Variants in IQCH observed in about 807,000 individuals in gnomAD.
The protein encoded by IQCH is IQ domain-containing protein H.
A neutral mutation model predicts 117.0 loss-of-function variants in IQCH; 98 were observed. The observed-to-expected ratio is 0.84, with a 90% CI of 0.71 to 0.99. IQCH has a LOEUF of 0.99. IQCH is among the 50% of genes least tolerant of loss of function. IQCH has a pLI of 0.00. For synonymous variants in IQCH, 412 were observed against 448.2 expected (o/e 0.92, Z 1.02); for missense variants, 1,102 against 1,243.8 (o/e 0.89, Z 1.72).
At chr15:67,400,632 G>A (rs1971623684) in intron 14 of IQCH, among the ~76,000 whole-genome samples, 1 of 151,286 alleles carries the variant, frequency 6.6e-6, no homozygotes, top group South Asian at 2.1e-4. Flanking sequence ...CTACAGGCAT[G>A]CGCCACCATG....
At chr15:67,421,064 A>T (rs973965950) in intron 15 of IQCH, 1 of 556,378 alleles carries the variant, frequency 1.8e-6, no homozygotes, top group Non-Finnish European at 3.2e-6. Context: ...GCCCTACAAT[A>T]TACCAAGCGC....
intron 4 of IQCH, among the ~76,000 whole-genome samples, chr15:67,304,176 A>G (rs1955020417): frequency 6.6e-6 from 1 of 152,186 alleles, no homozygotes; most frequent in Admixed American, 6.5e-5. Context: ...AATAAAAGGG[A>G]CTGATTAGCA....
intron 10 of IQCH, among the ~76,000 whole-genome samples, chr15:67,378,452 C>T (rs1970811711): frequency 6.8e-6 from 1 of 147,424 alleles, no homozygotes; most frequent in African/African-American, 2.5e-5. Context: ...TATGGTGTTG[C>T]CATACTAGAT....
rs371897160 is a variant in IQCH at position 67,364,097 on chromosome 15, G to A, written c.753+4212G>A. 4.6e-5 allele frequency among the ~76,000 whole-genome samples: 7 copies of A among 152,130 alleles called. No individual in the cohort carries two copies. In the East Asian group the frequency reaches 7.7e-4, roughly 17 times the overall value. On this transcript the variant is annotated intron_variant, in intron 8 of 20. Coordinates refer to ENST00000335894, the MANE Select transcript of IQCH (RefSeq NM_001031715.3). The surrounding 1 kb of genome is among the most constrained non-coding windows in gnomAD (Gnocchi z 4.1). Reference sequence around the variant, plus strand: ...CAATAAGGGGATTGCTGGGTCGAGTGGTAATTCTGTTTTAAGTTCTTTGAG... The same window carrying A: ...CAATAAGGGGATTGCTGGGTCGAGTAGTAATTCTGTTTTAAGTTCTTTGAG...
At chr15:67,296,500 C>T (rs979917140) in intron 4 of IQCH, among the ~76,000 whole-genome samples, 3 of 151,900 alleles carry the variant, frequency 2.0e-5, no homozygotes, top group Admixed American at 6.6e-5. Flanking sequence ...AGGTGAGAGA[C>T]GTATTGGATT....
chr15:67,429,999 C>T (rs1310728967), intron 16 of IQCH, among the ~76,000 whole-genome samples: 1 of 152,022 alleles, frequency 6.6e-6, no homozygotes, highest in African/African-American at 2.4e-5. Flanking sequence ...GGGGCTGGTC[C>T]CTGGGAAATG....
At position 67,500,605 on chromosome 15, in the gene IQCH, A is replaced by C. The variant is rs1701394262; in HGVS notation, c.2971-28A>C. On this transcript the variant is annotated intron_variant, in intron 20 of 20. Coordinates refer to ENST00000335894, the MANE Select transcript of IQCH (RefSeq NM_001031715.3). The surrounding 1 kb of genome is among the most constrained non-coding windows in gnomAD (Gnocchi z 4.4). ...GGGAGAGGGATTGTAAGAGGTCTTT[A>C]AGTAATAAATATTGTCTTTATTTAC... 8.4e-7 allele frequency: 1 copy of C among 1,189,296 alleles called. No individual in the cohort carries two copies. The highest frequency in any genetic ancestry group is 1.2e-6 in the Non-Finnish European group (1 of 811,930). The allele number at this position is 1,189,296 out of a possible 1,614,324, so 73.7% of individuals were successfully genotyped here. A position where few individuals can be genotyped will look rare whatever the true frequency, so the allele number is the denominator to read the frequency against.
chr15:67,449,859 A>G (rs1363079686), intron 16 of IQCH, among the ~76,000 whole-genome samples: 1 of 152,240 alleles, frequency 6.6e-6, no homozygotes, highest in Non-Finnish European at 1.5e-5. Flanking sequence ...ACCCATGAGC[A>G]TGGAATGTTC....
At position 67,425,277 on chromosome 15, in the gene IQCH, C is replaced by T. The variant is rs1375427214; in HGVS notation, c.2505+3700C>T. Among the ~76,000 whole-genome samples, 1 of 152,028 alleles carries T rather than the reference C, an allele frequency of 6.6e-6. No individual in the cohort carries two copies. Among genetic ancestry groups the T allele is most frequent in the Non-Finnish European group, 1.5e-5 (1 of 68,000 alleles). On this transcript the variant is annotated intron_variant, in intron 16 of 20. Coordinates refer to ENST00000335894, the MANE Select transcript of IQCH (RefSeq NM_001031715.3). The surrounding 1 kb of genome is among the most constrained non-coding windows in gnomAD (Gnocchi z 5.5). ...TCTCAGATTGTCATTTGTGGCTTTC[C>T]TCTCTCTCTTTTTATTTTTGGCCAT... is the stretch of plus-strand genomic sequence containing the variant.
At chr15:67,295,134 C>T (rs1204848695) in intron 4 of IQCH, among the ~76,000 whole-genome samples, 1 of 152,138 alleles carries the variant, frequency 6.6e-6, no homozygotes, top group Admixed American at 6.6e-5. Flanking sequence ...CCCTTGTCTC[C>T]CCTTACTTTC....
intron 14 of IQCH, among the ~76,000 whole-genome samples, chr15:67,410,862 G>C (rs901326692): frequency 3.3e-5 from 5 of 152,174 alleles, no homozygotes; most frequent in Non-Finnish European, 7.3e-5. Flanking sequence ...CTGAGCACTT[G>C]TGCCTTGATG....
At chr15:67,263,545 T>G (rs1965544992) in intron 3 of IQCH, among the ~76,000 whole-genome samples, 1 of 152,228 alleles carries the variant, frequency 6.6e-6, no homozygotes, top group Non-Finnish European at 1.5e-5. Context: ...GATTATAGAT[T>G]ATTTCTATTG....
At chr15:67,360,357 T>C (rs944506268) in intron 8 of IQCH, among the ~76,000 whole-genome samples, 1 of 152,194 alleles carries the variant, frequency 6.6e-6, no homozygotes, top group African/African-American at 2.4e-5. Context: ...AAGCTAATCC[T>C]AACAACTAAG....
chr15:67,257,259 A>G (rs1010547419), intron 1 of IQCH, among the ~76,000 whole-genome samples: 1 of 152,182 alleles, frequency 6.6e-6, no homozygotes, highest in African/African-American at 2.4e-5. Context: ...AGGCTACATC[A>G]TTTACTGTAA....
chr15:67,442,848 A>ATAGATAGATAGATAGG (rs2082305754), intron 16 of IQCH, among the ~76,000 whole-genome samples: 1 of 144,492 alleles, frequency 6.9e-6, no homozygotes, highest in South Asian at 2.2e-4. Flanking sequence ...AGATAGATAG[A>ATAGATAGATAGATAGG]TAGATAGATA....
Position 67,314,853 on chromosome 15 carries a change from T to C in IQCH, c.388-22122T>C, listed in dbSNP as rs139302365. Among the ~76,000 whole-genome samples, 4 of 152,320 alleles carry C rather than the reference T, an allele frequency of 2.6e-5. No homozygotes were observed. The East Asian group carries it at 7.7e-4, about 29-fold the overall frequency. On this transcript the variant is annotated intron_variant, in intron 4 of 20. Coordinates refer to ENST00000335894, the MANE Select transcript of IQCH (RefSeq NM_001031715.3). The stretch of plus-strand genomic sequence containing the variant: ...TCAGATAATTTTCTTAAACCCTGTG[T>C]AGTTCGAAGAAAATATTCTTTAGGC...
At chr15:67,349,927 C>A (rs1312291286) in intron 6 of IQCH, among the ~76,000 whole-genome samples, 2 of 152,140 alleles carry the variant, frequency 1.3e-5, no homozygotes, top group East Asian at 3.9e-4. Flanking sequence ...GGTAGGGATG[C>A]AAAATGGTAC....
chr15:67,439,279 G>C (rs1316631709), intron 16 of IQCH, among the ~76,000 whole-genome samples: 1 of 152,138 alleles, frequency 6.6e-6, no homozygotes, highest in Admixed American at 6.5e-5. Flanking sequence ...CAAATACATG[G>C]AAATTAAATA....
At position 67,494,202 on chromosome 15, in the gene IQCH, T is replaced by A. The variant is rs1300910954; in HGVS notation, c.2862-56T>A. 3.9e-6 allele frequency: 5 copies of A among 1,290,990 alleles called. No individual in the cohort carries two copies. The highest frequency in any genetic ancestry group is 5.4e-6 in the Non-Finnish European group (5 of 930,780). The allele number at this position is 1,290,990 out of a possible 1,614,324, so 80.0% of individuals were successfully genotyped here. ...AGGCACAAATGAGAGGGCGATTGTT[T>A]TTAAGCATGTGAAGGGAATCGTTGG... On this transcript the variant is annotated intron_variant, in intron 19 of 20. Coordinates refer to ENST00000335894, the MANE Select transcript of IQCH (RefSeq NM_001031715.3). This position sits in a 1 kb window ranked among gnomAD's most constrained non-coding sequence, Gnocchi z 5.5.
Sources: gnomAD v4.1 joint callset for allele counts (sites outside exome capture counted in the v4.1 genomes callset) on GRCh38, gnomAD v4.1.1 for gene constraint, Gnocchi (gnomAD v3.1) non-coding constraint, MANE v1.5 for transcripts, NCBI Gene and HGNC (gene_info 2026-07-23, HGNC 2026-07-21) for gene names.